The following ZMIZ1 variants were observed in gnomAD, a reference collection of about 807,000 sequenced individuals.
ZMIZ1 encodes the protein zinc finger MIZ-type containing 1, also known as zinc finger MIZ domain-containing protein 1.
A neutral mutation model predicts 113.9 loss-of-function variants in ZMIZ1; 17 were observed. The observed-to-expected ratio is 0.15, with a 90% CI of 0.10 to 0.22. The LOEUF (loss-of-function observed/expected upper bound fraction) is 0.22, where lower values mean the gene tolerates loss of function less well. Among genes scored for constraint, ZMIZ1 ranks in the 10% least tolerant of loss-of-function variants. ZMIZ1 has a pLI of 1.00. For synonymous variants in ZMIZ1, 607 were observed against 603.1 expected (o/e 1.01, Z -0.09); for missense variants, 1,059 against 1,477.8 (o/e 0.72, Z 4.65).
At chr10:79,158,821 G>C (rs1161180195) in intron 3 of ZMIZ1, among the ~76,000 whole-genome samples, 1 of 152,204 alleles carries the variant, frequency 6.6e-6, no homozygotes, top group East Asian at 1.9e-4. Context: ...CCTTGTCTGA[G>C]ACTCAGCCTT....
chr10:79,128,832 A>G (rs895158837), intron 2 of ZMIZ1, among the ~76,000 whole-genome samples: 17 of 137,164 alleles, frequency 1.2e-4, no homozygotes, highest in Admixed American at 3.8e-4. Context: ...TTCCAGTGGA[A>G]AAAGTAGTTT....
rs1221705734 is a variant in ZMIZ1, at chr10:79,293,605, G to T, written c.1182G>T (p.Arg394=). ...RMPQQTYPGP[R]PQSLPIQNIK... ...CCCAGCAGACCTACCCGGGCCCCCG[G>T]CCCCAGTCCCTTCCTATTCAGAACA... The change falls in exon 12 of 25, where the codon CGG becomes CGT. Residue 394 remains arginine, a synonymous_variant. Coordinates refer to ENST00000334512, the MANE Select transcript of ZMIZ1 (RefSeq NM_020338.4). 1.2e-6 allele frequency: 2 copies of T among 1,613,108 alleles called. No homozygotes were observed. The highest frequency in any genetic ancestry group is 1.6e-4 in the Middle Eastern group (1 of 6,062).
chr10:79,217,116 T>G (rs1333658792), intron 7 of ZMIZ1, among the ~76,000 whole-genome samples: 1 of 152,230 alleles, frequency 6.6e-6, no homozygotes, highest in Non-Finnish European at 1.5e-5. Flanking sequence ...GGGGTCATTG[T>G]AAGTGCTAGA....
At chr10:79,177,694 A>G (rs961804563) in intron 4 of ZMIZ1, among the ~76,000 whole-genome samples, 1 of 152,182 alleles carries the variant, frequency 6.6e-6, no homozygotes, top group Admixed American at 6.5e-5. Context: ...CATGAGCTTG[A>G]CTTTGGCCTG....
At chr10:79,092,005 G>T (rs920306567) in intron 1 of ZMIZ1, among the ~76,000 whole-genome samples, 9 of 152,148 alleles carry the variant, frequency 5.9e-5, no homozygotes, top group Non-Finnish European at 1.3e-4. Context: ...TCCCTGTACT[G>T]GGTGGGATGG....
intron 1 of ZMIZ1, among the ~76,000 whole-genome samples, chr10:79,114,770 C>G (rs557900256): frequency 1.5e-4 from 23 of 152,232 alleles, no homozygotes; most frequent in African/African-American, 5.3e-4. Flanking sequence ...TCCCCTCCCC[C>G]TGACATCTTT....
chr10:79,266,074 C>T (rs1851583264), intron 7 of ZMIZ1, among the ~76,000 whole-genome samples: 1 of 152,192 alleles, frequency 6.6e-6, no homozygotes, highest in African/African-American at 2.4e-5. Context: ...AGAAACGTGA[C>T]CCCACTTGGA....
At chr10:79,248,808 AG>A (rs929179210) in intron 7 of ZMIZ1, among the ~76,000 whole-genome samples, 1 of 152,154 alleles carries the variant, frequency 6.6e-6, no homozygotes, top group Non-Finnish European at 1.5e-5. Context: ...AGCCAGGCCC[AG>A]GAGGCTTTAA....
At chr10:79,277,126 G>C (rs1219997792) in intron 7 of ZMIZ1, 55 bp from the exon 8 acceptor site, 8 of 1,452,508 alleles carry the variant, frequency 5.5e-6, no homozygotes, top group Non-Finnish European at 7.3e-6. Flanking sequence ...GGGGGGTCTT[G>C]GTGTGGCAGA....
At chr10:79,109,580 C>T (rs1439639045) in intron 1 of ZMIZ1, among the ~76,000 whole-genome samples, 1 of 152,184 alleles carries the variant, frequency 6.6e-6, no homozygotes, top group African/African-American at 2.4e-5. Flanking sequence ...GTGCCCACTC[C>T]CAGGCCCCCA....
intron 23 of ZMIZ1, among the ~76,000 whole-genome samples, chr10:79,309,707 C>A (rs1429960769): frequency 1.3e-5 from 2 of 152,136 alleles, no homozygotes; most frequent in African/African-American, 4.8e-5. Context: ...GGGCAAAGAC[C>A]GAGGATGGTG....
At chr10:79,132,573 G>A (rs548748813) in intron 2 of ZMIZ1, among the ~76,000 whole-genome samples, 5 of 152,346 alleles carry the variant, frequency 3.3e-5, no homozygotes, top group African/African-American at 9.6e-5. Context: ...ATGAGACTGG[G>A]GGCCAAATTT....
chr10:79,296,867 A>T lies in ZMIZ1; in HGVS notation c.1413+214A>T. 2.4e-6 allele frequency: 1 copy of T among 412,482 alleles called. No homozygotes were observed. The allele number at this position is 412,482 out of a possible 1,614,324, so 25.6% of individuals were successfully genotyped here. A position where few individuals can be genotyped will look rare whatever the true frequency, so the allele number is the denominator to read the frequency against. On this transcript the variant is annotated intron_variant, in intron 13 of 24. Transcript: ENST00000334512. The surrounding 1 kb of genome is among the most constrained non-coding windows in gnomAD (Gnocchi z 4.1). The stretch of plus-strand genomic sequence containing the variant: ...CAGTTCCTATTCTCATTCGTCTCGG[A>T]TGATGGTTTTTTTTTCTCCTTTTCT...
At chr10:79,145,184 C>A (rs1845429997) in intron 3 of ZMIZ1, among the ~76,000 whole-genome samples, 1 of 152,058 alleles carries the variant, frequency 6.6e-6, no homozygotes, top group African/African-American at 2.4e-5. Context: ...CCGCTCATGG[C>A]CTTGCCTCTC....
intron 8 of ZMIZ1, chr10:79,285,305 G>A (rs1057417125): frequency 5.8e-5 from 21 of 363,214 alleles, no homozygotes; most frequent in South Asian, 4.0e-5. Flanking sequence ...AAGTCACTCA[G>A]TAAATCAGAA....
chr10:79,232,764 T>C (rs990671799), intron 7 of ZMIZ1, among the ~76,000 whole-genome samples: 1 of 152,042 alleles, frequency 6.6e-6, no homozygotes, highest in African/African-American at 2.4e-5. Flanking sequence ...TTTACGAAAA[T>C]ATTAAGGTGC....
chr10:79,075,592 C>CAT (rs113869248), intron 1 of ZMIZ1, among the ~76,000 whole-genome samples: 3 of 132,540 alleles, frequency 2.3e-5, no homozygotes, highest in Admixed American at 2.2e-4. Context: ...CACATGCACA[C>CAT]CTGCACACAT....
At chr10:79,070,180 A>T (rs1157466264) in intron 1 of ZMIZ1, among the ~76,000 whole-genome samples, 1 of 151,746 alleles carries the variant, frequency 6.6e-6, no homozygotes. Context: ...AGCTTGCTTC[A>T]CATTCCTGGC....
chr10:79,183,200 G>A (rs1372004972), intron 4 of ZMIZ1, among the ~76,000 whole-genome samples: 1 of 152,240 alleles, frequency 6.6e-6, no homozygotes, highest in Non-Finnish European at 1.5e-5. Flanking sequence ...TGGTGGGGAG[G>A]CCTGCCTGTT....
Sources: allele counts gnomAD v4.1 joint callset (sites outside exome capture counted in the v4.1 genomes callset), GRCh38; gene constraint gnomAD v4.1.1; non-coding constraint Gnocchi (gnomAD v3.1); transcripts MANE v1.5; gene names NCBI Gene and HGNC (gene_info 2026-07-23, HGNC 2026-07-21).